The following MECOM variants were observed in gnomAD, a reference collection of about 807,000 sequenced individuals.
The protein encoded by MECOM is MDS1 and EVI1 complex locus.
Under a neutral mutation model 116.3 loss-of-function variants are expected in MECOM, and 13 were observed. The ratio of observed to expected loss-of-function variants is 0.11; its 90% confidence interval spans 0.07 to 0.18. The LOEUF is 0.18. Ranked by LOEUF, MECOM falls within the 10% of genes least tolerant of loss-of-function variation. The pLI, the probability that MECOM is intolerant of heterozygous loss-of-function variation, is 1.00. For missense variants in MECOM, 1,299 were observed against 1,509.0 expected (o/e 0.86, Z 2.31); for synonymous variants, 528 against 535.2 (o/e 0.99, Z 0.19).
chr3:169,538,245 C>CT (rs1759623776), intron 1 of MECOM, among the ~76,000 whole-genome samples: 1 of 152,212 alleles, frequency 6.6e-6, no homozygotes, highest in Admixed American at 6.5e-5. Flanking sequence ...GAATTTCTTT[C>CT]TCTTTTATTC....
intron 2 of MECOM, among the ~76,000 whole-genome samples, chr3:169,296,355 CA>C (rs1374789978): frequency 6.6e-6 from 1 of 152,106 alleles, no homozygotes; most frequent in Non-Finnish European, 1.5e-5. Flanking sequence ...GCAAGAACGC[CA>C]AAGAAATATT....
chr3:169,093,244 CAA>C, intron 13 of MECOM, 142 bp from the exon 14 acceptor site: 1 of 845,348 alleles, frequency 1.2e-6, no homozygotes, highest in Non-Finnish European at 1.7e-6. Context: ...TTTAGAAAGT[CAA>C]AGTCTCCCCA....
At position 169,149,465 on chromosome 3, in the gene MECOM, T is replaced by G. The variant is rs928552954; in HGVS notation, c.376-5633A>C. 5 of 236,626 alleles carry G rather than the reference T, an allele frequency of 2.1e-5. No homozygotes were observed. The East Asian group carries it at 6.5e-4, about 31-fold the overall frequency. The allele number at this position is 236,626 out of a possible 1,614,324, so 14.7% of individuals were successfully genotyped here. A position where few individuals can be genotyped will look rare whatever the true frequency, so the allele number is the denominator to read the frequency against. On this transcript the variant is annotated intron_variant, in intron 2 of 16. Transcript: ENST00000651503. ...GAGCGACTTTCAAGGTCTGGATACT[T>G]GCAGGTACGGCAGGACGCCGGTAGA...
chr3:169,524,655 T>C (rs1219921939), intron 1 of MECOM, among the ~76,000 whole-genome samples: 6 of 152,206 alleles, frequency 3.9e-5, no homozygotes, highest in Admixed American at 6.5e-5. Context: ...ACCACCATGA[T>C]TTAAGTAAAC....
intron 1 of MECOM, among the ~76,000 whole-genome samples, chr3:169,625,767 T>TA (rs1267565630): frequency 6.6e-6 from 1 of 152,198 alleles, no homozygotes; most frequent in African/African-American, 2.4e-5. Flanking sequence ...TTAGGCCCAG[T>TA]AAAAATATTT....
chr3:169,532,296 T>C (rs1016444), intron 1 of MECOM, among the ~76,000 whole-genome samples: 64,137 of 151,896 alleles, frequency 0.42, 15,060 homozygotes, highest in African/African-American at 0.64. Flanking sequence ...GGCCCAGGGA[T>C]CACGCTTTGA....
Position 169,367,107 on chromosome 3 carries a change from C to T in MECOM, c.375+14080G>A, listed in dbSNP as rs557594614. On this transcript the variant is annotated intron_variant, in intron 2 of 16. Transcript: ENST00000651503. Reference sequence around the variant, plus strand: ...GGGTAACCCAGAGAATAGAAAAAGACTATATTGAATAAGTGTCTCTGTATG... The same window carrying T: ...GGGTAACCCAGAGAATAGAAAAAGATTATATTGAATAAGTGTCTCTGTATG... 2.6e-5 allele frequency among the ~76,000 whole-genome samples: 4 copies of T among 152,096 alleles called. No individual in the cohort carries two copies. The South Asian group carries it at 8.3e-4, about 32-fold the overall frequency.
intron 1 of MECOM, among the ~76,000 whole-genome samples, chr3:169,520,774 C>A (rs1757245721): frequency 6.6e-6 from 1 of 151,878 alleles, no homozygotes; most frequent in Non-Finnish European, 1.5e-5. Flanking sequence ...AAATCTTAAT[C>A]TCAAAAAAAA....
At chr3:169,620,606 A>C (rs1441984478) in intron 1 of MECOM, among the ~76,000 whole-genome samples, 2 of 152,234 alleles carry the variant, frequency 1.3e-5, no homozygotes, top group Non-Finnish European at 2.9e-5. Context: ...TGATTCAGCC[A>C]AGGTTGTCTC....
chr3:169,244,605 C>T (rs1246364425), intron 2 of MECOM, among the ~76,000 whole-genome samples: 1 of 152,184 alleles, frequency 6.6e-6, no homozygotes, highest in African/African-American at 2.4e-5. Context: ...ATTCTTAATT[C>T]TCCATTAGGA....
chr3:169,509,243 C>T (rs1236704680), intron 1 of MECOM, among the ~76,000 whole-genome samples: 1 of 152,126 alleles, frequency 6.6e-6, no homozygotes, highest in East Asian at 1.9e-4. Context: ...CTGTCACTTC[C>T]CTGATGTGAT....
Position 169,115,654 on chromosome 3 carries a change from A to G in MECOM, c.2218T>C (p.Ser740Pro). The change falls in exon 8 of 17, where the codon TCC (serine) becomes CCC (proline). Residue 740 changes from serine (S) to proline (P), a missense_variant. Transcript: ENST00000651503. ...CGCTTAGTGGTGAGATCAAAGGGGG[A>G]CTCAGAGCTGCCCTTCTGCAGTTTC... The part of the protein sequence containing the change: ...VKKLQKGSSE[S>P]PFDLTTKRKD... 1 of 1,613,750 alleles carries G rather than the reference A, an allele frequency of 6.2e-7. No individual in the cohort carries two copies. Among genetic ancestry groups the G allele is most frequent in the Non-Finnish European group, 8.5e-7 (1 of 1,179,942 alleles).
At chr3:169,120,997 C>T in intron 7 of MECOM, 59 bp downstream of exon 7, 1 of 1,536,624 alleles carries the variant, frequency 6.5e-7, no homozygotes, top group Non-Finnish European at 8.8e-7. Context: ...CTCCTGGTCA[C>T]AGTGCCTTTT....
At chr3:169,121,273 G>T (rs913807044) in intron 6 of MECOM, 64 bp from the exon 7 acceptor site, 1 of 1,469,446 alleles carries the variant, frequency 6.8e-7, no homozygotes, top group Admixed American at 2.4e-5. Context: ...AAGAAGACCC[G>T]GGATGACTCA....
chr3:169,488,910 G>A (rs1175207238), intron 1 of MECOM, among the ~76,000 whole-genome samples: 1 of 151,500 alleles, frequency 6.6e-6, no homozygotes, highest in East Asian at 1.9e-4. Context: ...TTTAGAAAAG[G>A]ATGAACAGAA....
chr3:169,388,543 T>G (rs1374859481), intron 1 of MECOM, among the ~76,000 whole-genome samples: 1 of 152,134 alleles, frequency 6.6e-6, no homozygotes, highest in African/African-American at 2.4e-5. Flanking sequence ...GAAAATGAAT[T>G]TCCAGAAAAC....
chr3:169,363,065 T>G (rs1359015041), intron 2 of MECOM, among the ~76,000 whole-genome samples: 2 of 151,960 alleles, frequency 1.3e-5, no homozygotes, highest in Non-Finnish European at 2.9e-5. Flanking sequence ...TGCCACCTAC[T>G]GTTCAGCCAC....
chr3:169,536,094 G>A (rs1759313858), intron 1 of MECOM, among the ~76,000 whole-genome samples: 1 of 152,084 alleles, frequency 6.6e-6, no homozygotes, highest in African/African-American at 2.4e-5. Flanking sequence ...CAGGAGTCCT[G>A]GTTCAGCCAC....
intron 2 of MECOM, among the ~76,000 whole-genome samples, chr3:169,306,997 T>C (rs1392471953): frequency 6.6e-6 from 1 of 152,224 alleles, no homozygotes; most frequent in Non-Finnish European, 1.5e-5. Flanking sequence ...GTCCACTTGA[T>C]GCCAACATTT....
Sources: allele counts gnomAD v4.1 joint callset (sites outside exome capture counted in the v4.1 genomes callset), GRCh38; gene constraint gnomAD v4.1.1; transcripts MANE v1.5; gene names NCBI Gene and HGNC (gene_info 2026-07-23, HGNC 2026-07-21).